Variants in MYLK observed in about 807,000 individuals in gnomAD.
MYLK encodes the protein myosin light chain kinase, also known as myosin light chain kinase, smooth muscle.
In MYLK, 106 loss-of-function variants were observed where a neutral mutation model predicts 203.4. The ratio of observed to expected loss-of-function variants is 0.52; its 90% CI spans 0.45 to 0.61. The LOEUF is 0.61. Among genes scored for constraint, MYLK ranks in the 20% least tolerant of loss-of-function variants. The pLI, the probability that MYLK is intolerant of heterozygous loss-of-function variation, is 0.00. For missense variants in MYLK, 2,072 were observed against 2,442.3 expected, an observed-to-expected ratio of 0.85 and a Z score of 3.20; for synonymous variants, 867 against 959.5, an observed-to-expected ratio of 0.90 and a Z score of 1.78.
chr3:123,883,017 A>G (rs2033639563), intron 1 of MYLK, among the ~76,000 whole-genome samples: 1 of 152,234 alleles, frequency 6.6e-6, no homozygotes, highest in African/African-American at 2.4e-5. Context: ...TCTCCCAGAG[A>G]CTTGCATTGT....
chr3:123,767,416 G>A (rs1415522371), intron 4 of MYLK, among the ~76,000 whole-genome samples: 1 of 152,198 alleles, frequency 6.6e-6, no homozygotes, highest in African/African-American at 2.4e-5. Flanking sequence ...AGACCAGCCT[G>A]TCCAAAATGA....
chr3:123,638,871 T>C lies in MYLK; in HGVS notation c.4838-677A>G, dbSNP rs114560081. ...AAAGGACCAGAGATGTCTGTTAATATGTGCAAAAGGCAGGTACCTGTGGGC... is the reference window on the plus strand; with the variant it reads ...AAAGGACCAGAGATGTCTGTTAATACGTGCAAAAGGCAGGTACCTGTGGGC... On this transcript the variant is annotated intron_variant, in intron 28 of 33. Coordinates refer to ENST00000360304, the MANE Select transcript of MYLK (RefSeq NM_053025.4). 8,921 of 985,466 alleles carry C rather than the reference T, an allele frequency of 9.1e-3. 42 individuals are homozygous for C. Among genetic ancestry groups the C allele is most frequent in the Non-Finnish European group, 0.01 (8,463 of 829,926 alleles). 61.0% of individuals were successfully genotyped at this position (985,466 alleles called of 1,614,324 possible). A position where few individuals can be genotyped will look rare whatever the true frequency, so the allele number is the denominator to read the frequency against.
intron 4 of MYLK, among the ~76,000 whole-genome samples, chr3:123,770,156 CAAAAAAAAAA>C (rs59411359): frequency 1.2e-5 from 1 of 83,944 alleles, no homozygotes; most frequent in African/African-American, 3.1e-5. Context: ...ACTAAAAATA[CAAAAAAAAAA>C]AAAAAAAATT....
At chr3:123,750,161 A>AT (rs1206346486) in intron 5 of MYLK, among the ~76,000 whole-genome samples, 2 of 152,266 alleles carry the variant, frequency 1.3e-5, no homozygotes, top group African/African-American at 2.4e-5. Flanking sequence ...ACTCACACAC[A>AT]TTTAAAGAGC....
At chr3:123,821,193 TATCATGC>T (rs2065925979) in intron 3 of MYLK, among the ~76,000 whole-genome samples, 1 of 152,232 alleles carries the variant, frequency 6.6e-6, no homozygotes, top group African/African-American at 2.4e-5. Context: ...ACTCTTGAAC[TATCATGC>T]TTTGCTATTA....
intron 7 of MYLK, 36 bp downstream of exon 7, chr3:123,738,861 A>T (rs755573827): frequency 1.3e-6 from 2 of 1,589,388 alleles, no homozygotes. Flanking sequence ...AGACTAATAC[A>T]GGCTGGATCA....
chr3:123,699,896 T>G (rs976276378), intron 18 of MYLK, 124 bp downstream of exon 18: 16 of 1,341,964 alleles, frequency 1.2e-5, no homozygotes, highest in Admixed American at 2.1e-5. Flanking sequence ...CCCTCCTACC[T>G]GCTAAACCAG....
intron 32 of MYLK, among the ~76,000 whole-genome samples, chr3:123,619,551 C>G (rs2057725948): frequency 6.6e-6 from 1 of 152,194 alleles, no homozygotes; most frequent in South Asian, 2.1e-4. Context: ...GAGGGTGTCT[C>G]TGGCCAAATG....
chr3:123,622,658 A>G (rs1442713132), intron 31 of MYLK: 1 of 152,278 alleles, frequency 6.6e-6, no homozygotes, highest in African/African-American at 2.4e-5. Flanking sequence ...TCACATAGGG[A>G]GAACTTTTCT....
chr3:123,767,162 C>A (rs554228687), intron 4 of MYLK, among the ~76,000 whole-genome samples: 10 of 152,112 alleles, frequency 6.6e-5, no homozygotes, highest in Non-Finnish European at 1.3e-4. Context: ...GAAGAATTGG[C>A]GGGGGCTGGG....
At chr3:123,868,744 A>C (rs2032525341) in intron 2 of MYLK, among the ~76,000 whole-genome samples, 1 of 152,260 alleles carries the variant, frequency 6.6e-6, no homozygotes, top group South Asian at 2.1e-4. Flanking sequence ...GACAAAGATT[A>C]AATGCAAAAT....
intron 5 of MYLK, among the ~76,000 whole-genome samples, chr3:123,745,962 A>T (rs1269136478): frequency 1.3e-5 from 2 of 151,958 alleles, no homozygotes; most frequent in Non-Finnish European, 2.9e-5. Context: ...GACTCAAGTG[A>T]TTCTCCTGCC....
chr3:123,722,575 G>A (rs534684276), intron 12 of MYLK, among the ~76,000 whole-genome samples: 2 of 152,290 alleles, frequency 1.3e-5, no homozygotes, highest in South Asian at 4.1e-4. Context: ...AAAAATGCAG[G>A]AGGGAAAGGG....
Position 123,733,934 on chromosome 3 carries a change from C to T in MYLK, c.1062G>A (p.Pro354=), listed in dbSNP as rs149571440. ...CCCCCAGGCCTGGTGCTCTTGGTTCCGGCTGAACTCTTGCGGCCTGCAGGG... is the reference window on the plus strand; with the variant it reads ...CCCCCAGGCCTGGTGCTCTTGGTTCTGGCTGAACTCTTGCGGCCTGCAGGG... ...SITLQAARVQ[P]EPRAPGLGVL... Residue 354 remains proline, a synonymous_variant, in exon 10 of 34, where the codon CCG becomes CCA. Transcript: ENST00000360304. 2.8e-5 allele frequency: 46 copies of T among 1,614,158 alleles called. No individual in the cohort carries two copies. Among genetic ancestry groups the T allele is most frequent in the South Asian group, 1.5e-4 (14 of 91,068 alleles).
rs142765858 is a variant in MYLK, at chr3:123,708,881, C to T, written c.1957G>A (p.Glu653Lys). 7.4e-5 allele frequency: 119 copies of T among 1,613,918 alleles called. No individual in the cohort carries two copies. Among genetic ancestry groups the T allele is most frequent in the Non-Finnish European group, 9.4e-5 (111 of 1,179,952 alleles). Residue 653 changes from glutamate to lysine, a missense_variant, in exon 15 of 34, where the codon GAA becomes AAA. Around this residue, in one of 3 missense-constraint regions of MYLK, gnomAD observed 865 missense variants for 1,016.0 expected, o/e 0.85. Transcript: ENST00000360304. ...TVQVSGNPPP[E>K]VIWLHNGNEI... is the part of the protein sequence containing the mutation. Reference sequence around the variant, plus strand: ...TTCCCATTGTGCAGCCAGATGACTTCAGGGGGTGGATTCCCTGAACCAGGA... The same window carrying T: ...TTCCCATTGTGCAGCCAGATGACTTTAGGGGGTGGATTCCCTGAACCAGGA...
chr3:123,629,470 T>A lies in MYLK; in HGVS notation c.5114+4A>T. Reference sequence around the variant, plus strand: ...AAGCAAAGACTGAAATCCCAACTCATTACTTCATATCTTTCTTCAGCAGAT... The same window carrying A: ...AAGCAAAGACTGAAATCCCAACTCAATACTTCATATCTTTCTTCAGCAGAT... On this transcript the variant is annotated splice_donor_region_variant and intron_variant, in intron 30 of 33. Coordinates refer to ENST00000360304, the MANE Select transcript of MYLK (RefSeq NM_053025.4). The surrounding 1 kb of genome is among the most constrained non-coding windows in gnomAD (Gnocchi z 4.4). 1 of 1,614,126 alleles carries A rather than the reference T, an allele frequency of 6.2e-7. No homozygotes were observed. Among genetic ancestry groups the A allele is most frequent in the Admixed American group, 1.7e-5 (1 of 60,018 alleles).
intron 20 of MYLK, among the ~76,000 whole-genome samples, chr3:123,671,016 C>G (rs376982702): frequency 9.8e-5 from 15 of 152,318 alleles, no homozygotes; most frequent in African/African-American, 2.6e-4. Flanking sequence ...GGGACAGATC[C>G]AATTAGGAGG....
At chr3:123,849,104 T>C (rs998656300) in intron 2 of MYLK, among the ~76,000 whole-genome samples, 10 of 152,030 alleles carry the variant, frequency 6.6e-5, no homozygotes, top group Admixed American at 6.6e-4. Context: ...GCCTACTGAG[T>C]AGCTGGGACT....
chr3:123,838,570 T>C (rs191406390), intron 2 of MYLK, among the ~76,000 whole-genome samples: 2 of 152,276 alleles, frequency 1.3e-5, no homozygotes, highest in African/African-American at 4.8e-5. Flanking sequence ...ATAGTAGTAA[T>C]GTACTATGGG....
Sources: gnomAD v4.1 joint callset for allele counts (sites outside exome capture counted in the v4.1 genomes callset) on GRCh38, gnomAD v4.1.1 for gene constraint, gnomAD v4.1.1 regional missense constraint, Gnocchi (gnomAD v3.1) non-coding constraint, MANE v1.5 for transcripts, NCBI Gene and HGNC (gene_info 2026-07-23, HGNC 2026-07-21) for gene names.